NEGR1: variants seen among roughly 807,000 people sequenced by gnomAD.
NEGR1 encodes neuronal growth regulator 1, also known as IgLON family member 4.
A neutral mutation model predicts 40.9 loss-of-function variants in NEGR1; 10 were observed. The observed-to-expected ratio is 0.24, with a 90% CI of 0.15 to 0.42. The LOEUF (loss-of-function observed/expected upper bound fraction) is 0.42, where lower values mean the gene tolerates loss of function less well. Ranked by LOEUF, NEGR1 falls within the 10% of genes least tolerant of loss-of-function variation. The pLI, the probability that NEGR1 is intolerant of heterozygous loss-of-function variation, is 1.00. For missense variants in NEGR1, 352 were observed against 438.9 expected, an observed-to-expected ratio of 0.80 and a Z score of 1.77; for synonymous variants, 185 against 166.8, an observed-to-expected ratio of 1.11 and a Z score of -0.84.
chr1:72,025,626 A>T (rs1227514122), intron 1 of NEGR1, among the ~76,000 whole-genome samples: 1 of 152,194 alleles, frequency 6.6e-6, no homozygotes, highest in Non-Finnish European at 1.5e-5. Flanking sequence ...AAACAAGCAC[A>T]TGATGGAATA....
intron 3 of NEGR1, among the ~76,000 whole-genome samples, chr1:71,770,925 A>T (rs1432828559): frequency 6.6e-6 from 1 of 152,128 alleles, no homozygotes; most frequent in Non-Finnish European, 1.5e-5. Flanking sequence ...AGAAATAACC[A>T]TTTGACCCAG....
At chr1:72,048,928 A>C (rs1480006521) in intron 1 of NEGR1, among the ~76,000 whole-genome samples, 1 of 151,630 alleles carries the variant, frequency 6.6e-6, no homozygotes, top group East Asian at 1.9e-4. Context: ...TTCTATTCTA[A>C]TGAAGGATCC....
At chr1:71,917,984 G>A (rs1375324714) in intron 2 of NEGR1, among the ~76,000 whole-genome samples, 2 of 150,514 alleles carry the variant, frequency 1.3e-5, no homozygotes, top group Non-Finnish European at 3.0e-5. Flanking sequence ...TTGGGAGGCC[G>A]AGGCGGGCGG....
chr1:72,144,748 CT>C (rs1380766253), intron 1 of NEGR1, among the ~76,000 whole-genome samples: 1 of 152,050 alleles, frequency 6.6e-6, no homozygotes, highest in Non-Finnish European at 1.5e-5. Flanking sequence ...TCTAGTGGAA[CT>C]CCATACTTCA....
intron 2 of NEGR1, among the ~76,000 whole-genome samples, chr1:71,860,993 C>T (rs1173683022): frequency 1.3e-5 from 2 of 152,020 alleles, no homozygotes; most frequent in Admixed American, 1.3e-4. Context: ...TACTAGTTTG[C>T]TAACGATTAA....
At chr1:72,046,464 G>A (rs1460109748) in intron 1 of NEGR1, among the ~76,000 whole-genome samples, 3 of 151,574 alleles carry the variant, frequency 2.0e-5, no homozygotes, top group Non-Finnish European at 4.4e-5. Flanking sequence ...TTAGGGCACT[G>A]CAACCCTTCA....
intron 1 of NEGR1, among the ~76,000 whole-genome samples, chr1:71,959,578 T>C (rs930768647): frequency 2.0e-5 from 3 of 152,128 alleles, no homozygotes; most frequent in South Asian, 4.1e-4. Flanking sequence ...GTCTCTGGGG[T>C]CTTACATATT....
chr1:71,945,084 A>G (rs1646005504), intron 1 of NEGR1, among the ~76,000 whole-genome samples: 1 of 152,100 alleles, frequency 6.6e-6, no homozygotes, highest in Non-Finnish European at 1.5e-5. Flanking sequence ...GCTAGATCTT[A>G]TTTTTTATTA....
At chr1:72,175,575 G>A (rs1449661922) in intron 1 of NEGR1, among the ~76,000 whole-genome samples, 1 of 152,058 alleles carries the variant, frequency 6.6e-6, no homozygotes, top group African/African-American at 2.4e-5. Flanking sequence ...GCATTGAGGT[G>A]TCTAGGAAAC....
chr1:72,036,164 T>C (rs74411939), intron 1 of NEGR1, among the ~76,000 whole-genome samples: 1,727 of 152,328 alleles, frequency 0.011, 15 homozygotes, highest in Middle Eastern at 0.041. Flanking sequence ...CAGTGAATAC[T>C]GAGGCAATGC....
chr1:72,106,893 A>T (rs1649156236), intron 1 of NEGR1, among the ~76,000 whole-genome samples: 1 of 151,944 alleles, frequency 6.6e-6, no homozygotes, highest in African/African-American at 2.4e-5. Flanking sequence ...TAGATATATG[A>T]CAATTTCCTG....
intron 4 of NEGR1, among the ~76,000 whole-genome samples, chr1:71,678,442 A>T (rs568822753): frequency 6.6e-6 from 1 of 152,188 alleles, no homozygotes. Flanking sequence ...GTAAGTAATG[A>T]ACTTTTTGTT....
At chr1:71,415,281 A>G (rs1646347969) in intron 6 of NEGR1, among the ~76,000 whole-genome samples, 1 of 152,092 alleles carries the variant, frequency 6.6e-6, no homozygotes, top group Non-Finnish European at 1.5e-5. Context: ...GGGTAGAGAA[A>G]TCACACCATT....
intron 6 of NEGR1, among the ~76,000 whole-genome samples, chr1:71,499,521 A>AT (rs1376697369): frequency 6.7e-6 from 1 of 148,178 alleles, no homozygotes; most frequent in Non-Finnish European, 1.5e-5. Context: ...TATTATTATT[A>AT]TATATATATT....
chr1:71,806,000 T>G (rs1019925396), intron 2 of NEGR1, among the ~76,000 whole-genome samples: 1 of 152,268 alleles, frequency 6.6e-6, no homozygotes, highest in Admixed American at 6.5e-5. Flanking sequence ...TGCCACAAAT[T>G]TACCAAGAAA....
intron 1 of NEGR1, among the ~76,000 whole-genome samples, chr1:72,201,048 T>C (rs1001411654): frequency 1.3e-5 from 2 of 151,764 alleles, no homozygotes; most frequent in Admixed American, 6.6e-5. Flanking sequence ...GAATGGGTAA[T>C]GTAGACTCTA....
intron 1 of NEGR1, among the ~76,000 whole-genome samples, chr1:72,162,076 T>C (rs1305546650): frequency 1.3e-5 from 2 of 152,042 alleles, no homozygotes; most frequent in Non-Finnish European, 2.9e-5. Context: ...ATGGAAAAGG[T>C]AATTACCTTA....
chr1:71,602,602 T>C (rs1649962657), intron 5 of NEGR1, among the ~76,000 whole-genome samples: 1 of 152,200 alleles, frequency 6.6e-6, no homozygotes, highest in Non-Finnish European at 1.5e-5. Context: ...TACTCATCCT[T>C]TGGCATCCAG....
intron 2 of NEGR1, among the ~76,000 whole-genome samples, chr1:71,897,964 C>T (rs1661018211): frequency 6.6e-6 from 1 of 152,202 alleles, no homozygotes; most frequent in African/African-American, 2.4e-5. Flanking sequence ...AGTTTTGGTT[C>T]CTTTAGAAAG....
Sources: allele counts gnomAD v4.1 joint callset (sites outside exome capture counted in the v4.1 genomes callset), GRCh38; gene constraint gnomAD v4.1.1; transcripts MANE v1.5; gene names NCBI Gene and HGNC (gene_info 2026-07-23, HGNC 2026-07-21).